Variants in TMEFF2 observed in about 807,000 individuals in gnomAD.
The protein encoded by TMEFF2 is transmembrane protein with EGF like and two follistatin like domains 2.
Under a neutral mutation model 53.8 loss-of-function variants are expected in TMEFF2, and 28 were observed. The ratio of observed to expected loss-of-function variants is 0.52; its 90% CI spans 0.39 to 0.71. The LOEUF is 0.71. TMEFF2 is among the 30% of genes least tolerant of loss of function. The probability of loss-of-function intolerance (pLI) is 0.00; values close to 1 mark genes in which losing one functional copy is unlikely to be tolerated. For missense variants in TMEFF2, 353 were observed against 455.2 expected (o/e 0.78, Z 2.04); for synonymous variants, 162 against 166.3 (o/e 0.97, Z 0.20).
At chr2:191,982,374 T>C (rs1448277930) in intron 7 of TMEFF2, among the ~76,000 whole-genome samples, 6 of 152,110 alleles carry the variant, frequency 3.9e-5, no homozygotes, top group Non-Finnish European at 7.4e-5. Flanking sequence ...AGGATTAGTG[T>C]ATAGCAACAA....
At chr2:191,958,969 A>T (rs1692187609) in intron 7 of TMEFF2, among the ~76,000 whole-genome samples, 1 of 152,106 alleles carries the variant, frequency 6.6e-6, no homozygotes, top group South Asian at 2.1e-4. Context: ...TTAGTATATT[A>T]AGAGTAGAAA....
chr2:192,093,893 C>T (rs546899940), intron 4 of TMEFF2, among the ~76,000 whole-genome samples: 1 of 151,662 alleles, frequency 6.6e-6, no homozygotes, highest in East Asian at 1.9e-4. Flanking sequence ...GAAAAAAAAG[C>T]GAAGTGAAAG....
At chr2:192,032,748 A>C (rs969365171) in intron 5 of TMEFF2, 1 of 152,228 alleles carries the variant, frequency 6.6e-6, no homozygotes, top group Non-Finnish European at 1.5e-5. Flanking sequence ...CATAGGACAT[A>C]GTGTAAGGAA....
chr2:192,183,100 C>T (rs1483587289), intron 3 of TMEFF2, among the ~76,000 whole-genome samples: 2 of 151,966 alleles, frequency 1.3e-5, no homozygotes, highest in Admixed American at 1.3e-4. Flanking sequence ...CTCCTGACCA[C>T]CCTTTCATGA....
chr2:192,057,237 G>A (rs1687932598), intron 5 of TMEFF2, among the ~76,000 whole-genome samples: 1 of 151,680 alleles, frequency 6.6e-6, no homozygotes, highest in Admixed American at 6.6e-5. Flanking sequence ...TTATGGAGAT[G>A]TGGGTCTCAC....
At chr2:192,074,553 T>C (rs13018560) in intron 4 of TMEFF2, among the ~76,000 whole-genome samples, 43,995 of 151,816 alleles carry the variant, frequency 0.29, 6,977 homozygotes, top group Non-Finnish European at 0.37. Context: ...GGAAATCAAA[T>C]GTTCTAGGTT....
chr2:192,184,364 T>C lies in TMEFF2; in HGVS notation c.402A>G (p.Ser134=). The change falls in exon 3 of 10, where the codon TCA becomes TCG. Residue 134 remains serine (S), a synonymous_variant. Transcript: ENST00000272771. ...AGATCACACACATACCTGTGGCACA[T>C]GATCCTTCTGACACCACAAGTATCT... ...QSEILVVSEG[S]CATDAGSGSG... is the part of the protein sequence containing the mutation. The C allele has an allele frequency of 1.9e-6, 3 of 1,613,198 alleles. No individual in the cohort carries two copies. Among genetic ancestry groups the C allele is most frequent in the Non-Finnish European group, 2.5e-6 (3 of 1,179,388 alleles).
chr2:192,121,364 T>A (rs1178505158), intron 4 of TMEFF2, among the ~76,000 whole-genome samples: 1 of 152,042 alleles, frequency 6.6e-6, no homozygotes, highest in Non-Finnish European at 1.5e-5. Flanking sequence ...TGGACAGAGG[T>A]CACTTTGTAC....
chr2:192,034,697 T>C (rs1687240260), intron 5 of TMEFF2: 2 of 152,234 alleles, frequency 1.3e-5, no homozygotes, highest in Admixed American at 1.3e-4. Flanking sequence ...GTCATAGGCA[T>C]TGTGGCTCTG....
chr2:191,950,031 T>A lies in TMEFF2; in HGVS notation c.*280A>T. ...AAGAATGCCAATTTTTTCTCATCAC[T>A]GAGTATTTATTATATATAACAAATA... is the stretch of plus-strand genomic sequence containing the variant. On this transcript the variant is annotated 3_prime_UTR_variant, in exon 10 of 10. Coordinates refer to ENST00000272771, the MANE Select transcript of TMEFF2 (RefSeq NM_016192.4). 1 of 1,135,922 alleles carries A rather than the reference T, an allele frequency of 8.8e-7. No individual in the cohort carries two copies. The highest frequency in any genetic ancestry group is 1.1e-6 in the Non-Finnish European group (1 of 918,536). The allele number at this position is 1,135,922 out of a possible 1,614,324, so 70.4% of individuals were successfully genotyped here.
At chr2:192,163,390 T>C (rs1690681027) in intron 4 of TMEFF2, among the ~76,000 whole-genome samples, 1 of 152,220 alleles carries the variant, frequency 6.6e-6, no homozygotes, top group African/African-American at 2.4e-5. Flanking sequence ...ATTTGCTATA[T>C]TTGTAAGGCT....
chr2:192,178,307 T>C (rs1038945450), intron 4 of TMEFF2: 1 of 150,004 alleles, frequency 6.7e-6, no homozygotes, highest in Non-Finnish European at 1.5e-5. Flanking sequence ...TTTTTTCCTG[T>C]CTTTTTTTTT....
At chr2:192,015,860 T>C (rs1039536787) in intron 5 of TMEFF2, among the ~76,000 whole-genome samples, 1 of 152,208 alleles carries the variant, frequency 6.6e-6, no homozygotes, top group Non-Finnish European at 1.5e-5. Flanking sequence ...GTTGTCTCAC[T>C]GTATCATAAT....
At chr2:192,010,284 C>CGA (rs1686595394) in intron 5 of TMEFF2, among the ~76,000 whole-genome samples, 1 of 152,084 alleles carries the variant, frequency 6.6e-6, no homozygotes, top group Admixed American at 6.6e-5. Flanking sequence ...CTGATTGCTC[C>CGA]GAGAGAGGAC....
At chr2:192,080,727 G>A (rs193165019) in intron 4 of TMEFF2, among the ~76,000 whole-genome samples, 125 of 152,206 alleles carry the variant, frequency 8.2e-4, no homozygotes, top group Admixed American at 1.8e-3. Context: ...ACTATATAGA[G>A]TAATCTCTTT....
Position 191,971,747 on chromosome 2 carries a change from G to C in TMEFF2, c.746-15369C>G, listed in dbSNP as rs184939149. Among the ~76,000 whole-genome samples, 61 of 152,260 alleles carry C rather than the reference G, an allele frequency of 4.0e-4. 1 individual carries two copies. Among genetic ancestry groups the C allele is most frequent in the African/African-American group, 1.4e-3 (58 of 41,528 alleles). Reference sequence around the variant, plus strand: ...CTACAGGTATAGTATGTACAGTGGTGAGTTAAATAGACAGTTTCTCTCTGG... The same window carrying C: ...CTACAGGTATAGTATGTACAGTGGTCAGTTAAATAGACAGTTTCTCTCTGG... On this transcript the variant is annotated intron_variant, in intron 7 of 9. Transcript: ENST00000272771.
At chr2:192,013,241 T>G (rs1054022417) in intron 5 of TMEFF2, among the ~76,000 whole-genome samples, 1 of 152,132 alleles carries the variant, frequency 6.6e-6, no homozygotes, top group Non-Finnish European at 1.5e-5. Context: ...TCTTATACAC[T>G]CTTTCCGTGC....
intron 7 of TMEFF2, among the ~76,000 whole-genome samples, chr2:191,980,450 C>T (rs1408321282): frequency 6.6e-6 from 1 of 152,120 alleles, no homozygotes; most frequent in Non-Finnish European, 1.5e-5. Flanking sequence ...ACAACTCTCA[C>T]AGTGAAATCA....
chr2:192,087,488 A>G (rs1559120562), intron 4 of TMEFF2, among the ~76,000 whole-genome samples: 1 of 152,126 alleles, frequency 6.6e-6, no homozygotes, highest in Non-Finnish European at 1.5e-5. Context: ...TACAGCTGCA[A>G]GAATTACCTG....
Sources: gnomAD v4.1 joint callset for allele counts (sites outside exome capture counted in the v4.1 genomes callset) on GRCh38, gnomAD v4.1.1 for gene constraint, MANE v1.5 for transcripts, NCBI Gene and HGNC (gene_info 2026-07-23, HGNC 2026-07-21) for gene names.